MARCHF11: variants seen among roughly 807,000 people sequenced by gnomAD.
MARCHF11 encodes membrane associated ring-CH-type finger 11.
A neutral mutation model predicts 37.3 loss-of-function variants in MARCHF11; 29 were observed. That is an observed-to-expected ratio of 0.78 (90% CI 0.58 to 1.06). The LOEUF is 1.06. MARCHF11 is among the 50% of genes least tolerant of loss of function. The pLI is 0.00. For missense variants in MARCHF11, 482 were observed against 533.4 expected, an observed-to-expected ratio of 0.90 and a Z score of 0.95; for synonymous variants, 233 against 228.0, an observed-to-expected ratio of 1.02 and a Z score of -0.20.
chr5:16,153,483 C>T (rs1737920965), intron 2 of MARCHF11, among the ~76,000 whole-genome samples: 1 of 151,914 alleles, frequency 6.6e-6, no homozygotes, highest in Non-Finnish European at 1.5e-5. Flanking sequence ...GCCAAAGAAG[C>T]TCTTAAGAAA....
intron 3 of MARCHF11, among the ~76,000 whole-genome samples, chr5:16,072,339 C>T (rs1579671904): frequency 1.4e-5 from 2 of 146,502 alleles, no homozygotes; most frequent in Non-Finnish European, 2.9e-5. Context: ...CATTTGTGTC[C>T]CCAGTGAACT....
rs1351987435 is a variant in MARCHF11 at position 16,179,283 on chromosome 5, G to C, written c.293C>G (p.Ala98Gly). The C allele has an allele frequency of 7.7e-7, 1 of 1,293,850 alleles. No individual in the cohort carries two copies. 80.1% of individuals were successfully genotyped at this position (1,293,850 alleles called of 1,614,324 possible). A position where few individuals can be genotyped will look rare whatever the true frequency, so the allele number is the denominator to read the frequency against. The change falls in exon 1 of 4, where the codon GCG becomes GGG. Residue 98 changes from alanine to glycine, a missense_variant. Physicochemically the swap from Ala to Gly is moderately conservative, Grantham distance 60. Coordinates refer to ENST00000332432, the MANE Select transcript of MARCHF11 (RefSeq NM_001102562.3). ...CGGACCTTCCCCGGAGTCGCCGGCC[G>C]CCGCCACTTCCTGGCCGGCGGGCTG... The part of the protein sequence containing the change: ...PLQPAGQEVA[A>G]AGDSGEGPRR...
At chr5:16,085,579 G>C (rs188098837) in intron 3 of MARCHF11, among the ~76,000 whole-genome samples, 1 of 135,304 alleles carries the variant, frequency 7.4e-6, no homozygotes, top group East Asian at 2.7e-4. Context: ...CATATGTATC[G>C]GTGGGTGGGG....
intron 2 of MARCHF11, among the ~76,000 whole-genome samples, chr5:16,105,225 T>C (rs1737018073): frequency 6.6e-6 from 1 of 152,234 alleles, no homozygotes; most frequent in African/African-American, 2.4e-5. Flanking sequence ...AAGAAATTCT[T>C]TCCACTGACA....
At position 16,179,534 on chromosome 5, in the gene MARCHF11, C is replaced by T. The variant is rs1202365868; in HGVS notation, c.42G>A (p.Gly14=). 5.1e-6 allele frequency: 6 copies of T among 1,183,916 alleles called. No individual in the cohort carries two copies. Among genetic ancestry groups the T allele is most frequent in the Non-Finnish European group, 5.2e-6 (5 of 957,612 alleles). The allele number at this position is 1,183,916 out of a possible 1,614,324, so 73.3% of individuals were successfully genotyped here. ...GAGGCTCGGCGTCCCCGCTCTCCGC[C>T]CCGCGACACCGACTGCCGCCGTGGC... ...EGGHGGSRCR[G]AESGDAEPPP... The change falls in exon 1 of 4, where the codon GGG becomes GGA. Residue 14 remains glycine (G), a synonymous_variant. Coordinates refer to ENST00000332432, the MANE Select transcript of MARCHF11 (RefSeq NM_001102562.3).
intron 3 of MARCHF11, among the ~76,000 whole-genome samples, chr5:16,085,201 T>A (rs1239666066): frequency 6.6e-6 from 1 of 151,602 alleles, no homozygotes; most frequent in Non-Finnish European, 1.5e-5. Flanking sequence ...AAAATTATAA[T>A]AGATTTTTTT....
chr5:16,092,015 T>C (rs1455114740), intron 2 of MARCHF11, among the ~76,000 whole-genome samples: 1 of 152,232 alleles, frequency 6.6e-6, no homozygotes, highest in Non-Finnish European at 1.5e-5. Context: ...TGGCAACATA[T>C]GGCTTCTCAG....
intron 2 of MARCHF11, among the ~76,000 whole-genome samples, chr5:16,106,115 T>C (rs1358042458): frequency 6.6e-6 from 1 of 152,148 alleles, no homozygotes; most frequent in Non-Finnish European, 1.5e-5. Context: ...AATGGCTTCC[T>C]GTAGGAGGCA....
intron 2 of MARCHF11, among the ~76,000 whole-genome samples, chr5:16,175,524 T>C (rs1008824964): frequency 2.6e-5 from 4 of 152,172 alleles, no homozygotes; most frequent in Non-Finnish European, 4.4e-5. Context: ...AGGTACCTAG[T>C]AGAAGTTACT....
At chr5:16,129,612 T>C (rs1425343635) in intron 2 of MARCHF11, among the ~76,000 whole-genome samples, 3 of 152,180 alleles carry the variant, frequency 2.0e-5, no homozygotes, top group African/African-American at 7.2e-5. Flanking sequence ...AAATTATATT[T>C]CAAACAACTT....
intron 2 of MARCHF11, among the ~76,000 whole-genome samples, chr5:16,095,848 G>A (rs1371519844): frequency 6.6e-6 from 1 of 152,162 alleles, no homozygotes; most frequent in Admixed American, 6.5e-5. Flanking sequence ...GGTGGCAGAA[G>A]CTGAGTCTCA....
At chr5:16,117,783 G>A (rs185085430) in intron 2 of MARCHF11, among the ~76,000 whole-genome samples, 22 of 152,224 alleles carry the variant, frequency 1.4e-4, no homozygotes, top group Non-Finnish European at 3.1e-4. Flanking sequence ...AAATTTACTC[G>A]CTTATCCTAT....
intron 2 of MARCHF11, among the ~76,000 whole-genome samples, chr5:16,126,768 A>G (rs1234503630): frequency 6.6e-6 from 1 of 152,156 alleles, no homozygotes; most frequent in Non-Finnish European, 1.5e-5. Flanking sequence ...AAATCAGTTC[A>G]CCCTATGAAC....
At chr5:16,118,162 C>T (rs752602416) in intron 2 of MARCHF11, among the ~76,000 whole-genome samples, 6 of 152,110 alleles carry the variant, frequency 3.9e-5, no homozygotes, top group East Asian at 1.9e-4. Flanking sequence ...ATAGATGGGA[C>T]GCGCGGGGGG....
At chr5:16,164,870 G>A (rs1738143814) in intron 2 of MARCHF11, among the ~76,000 whole-genome samples, 1 of 151,930 alleles carries the variant, frequency 6.6e-6, no homozygotes, top group Non-Finnish European at 1.5e-5. Flanking sequence ...CAGCATCCAT[G>A]CTTCTACCCC....
At chr5:16,131,592 G>A (rs933380790) in intron 2 of MARCHF11, among the ~76,000 whole-genome samples, 1 of 152,122 alleles carries the variant, frequency 6.6e-6, no homozygotes, top group Non-Finnish European at 1.5e-5. Flanking sequence ...AAGAGACCTG[G>A]GTATGAGACC....
intron 2 of MARCHF11, among the ~76,000 whole-genome samples, chr5:16,151,648 AATGT>A (rs778250807): frequency 3.7e-5 from 1 of 27,252 alleles, no homozygotes; most frequent in African/African-American, 1.1e-4. Flanking sequence ...GCGTGAGTTG[AATGT>A]GTGTGTGTGT....
chr5:16,105,784 T>A (rs1219074270), intron 2 of MARCHF11, among the ~76,000 whole-genome samples: 2 of 152,188 alleles, frequency 1.3e-5, no homozygotes, highest in Non-Finnish European at 2.9e-5. Context: ...TCCTGTTTTT[T>A]TTTGTTTTGT....
chr5:16,140,175 T>C (rs1367917379), intron 2 of MARCHF11, among the ~76,000 whole-genome samples: 1 of 151,846 alleles, frequency 6.6e-6, no homozygotes, highest in Admixed American at 6.6e-5. Flanking sequence ...GAGAGGAAAA[T>C]TCACAGCCTA....
Sources: allele counts gnomAD v4.1 joint callset (sites outside exome capture counted in the v4.1 genomes callset), GRCh38; gene constraint gnomAD v4.1.1; transcripts MANE v1.5; gene names NCBI Gene and HGNC (gene_info 2026-07-23, HGNC 2026-07-21).